The following ADGRL4 variants were observed in gnomAD, a reference collection of about 807,000 sequenced individuals.
ADGRL4 encodes the protein EGF, latrophilin and seven transmembrane domain containing 1.
A neutral mutation model predicts 74.8 loss-of-function variants in ADGRL4; 90 were observed. The observed-to-expected ratio is 1.20, with a 90% CI of 1.02 to 1.43. ADGRL4 has a LOEUF of 1.43. Among genes scored for constraint, ADGRL4 ranks in the 40% most tolerant of loss-of-function variants. The pLI is 0.00. For synonymous variants in ADGRL4, 311 were observed against 279.2 expected (o/e 1.11, Z -1.14); for missense variants, 881 against 814.3 (o/e 1.08, Z -1.00).
intron 2 of ADGRL4, among the ~76,000 whole-genome samples, chr1:78,978,022 A>T (rs1361708625): frequency 6.6e-6 from 1 of 151,926 alleles, no homozygotes; most frequent in Non-Finnish European, 1.5e-5. Flanking sequence ...TTTTGCAATT[A>T]TATAAATATC....
chr1:78,984,165 AG>A (rs1486202955), intron 2 of ADGRL4, among the ~76,000 whole-genome samples: 1 of 151,760 alleles, frequency 6.6e-6, no homozygotes, highest in East Asian at 1.9e-4. Flanking sequence ...GTACAAAGTA[AG>A]ATGGTTCTTA....
chr1:78,985,432 A>C (rs925268922), intron 2 of ADGRL4, among the ~76,000 whole-genome samples: 6 of 151,842 alleles, frequency 4.0e-5, no homozygotes, highest in African/African-American at 1.4e-4. Context: ...AAATATGCTG[A>C]AATGGTATTT....
chr1:78,904,208 G>C (rs1020168575), intron 12 of ADGRL4, among the ~76,000 whole-genome samples: 1 of 151,754 alleles, frequency 6.6e-6, no homozygotes, highest in Non-Finnish European at 1.5e-5. Context: ...TATTAGAACA[G>C]AGTACCCAGA....
chr1:78,954,275 G>A (rs932700559), intron 2 of ADGRL4, among the ~76,000 whole-genome samples: 21 of 152,012 alleles, frequency 1.4e-4, no homozygotes, highest in Admixed American at 6.6e-5. Context: ...GAGAAGACTC[G>A]TTATCTAATT....
At chr1:78,966,843 A>G (rs1320213764) in intron 2 of ADGRL4, among the ~76,000 whole-genome samples, 1 of 150,156 alleles carries the variant, frequency 6.7e-6, no homozygotes, top group Non-Finnish European at 1.5e-5. Context: ...GTTAACTTTT[A>G]AGCTAGTTTT....
chr1:78,921,559 GA>G (rs372278602), intron 9 of ADGRL4, 53 bp downstream of exon 9: 49 of 1,168,048 alleles, frequency 4.2e-5, no homozygotes, highest in South Asian at 2.7e-4. Flanking sequence ...GAATGATGCG[GA>G]AAAAAAACAG....
intron 12 of ADGRL4, among the ~76,000 whole-genome samples, chr1:78,913,627 T>C: frequency 6.6e-6 from 1 of 151,712 alleles, no homozygotes; most frequent in Admixed American, 6.6e-5. Context: ...TACTTGAGTG[T>C]AGAAGATGGA....
intron 2 of ADGRL4, among the ~76,000 whole-genome samples, chr1:78,993,729 C>T (rs150590935): frequency 0.016 from 2,387 of 152,084 alleles, 33 homozygotes; most frequent in Middle Eastern, 0.037. Context: ...CCACCATGCT[C>T]GGCTAATTTT....
chr1:78,994,614 T>A (rs1395865461), intron 2 of ADGRL4, among the ~76,000 whole-genome samples: 3 of 152,206 alleles, frequency 2.0e-5, no homozygotes, highest in Non-Finnish European at 2.9e-5. Flanking sequence ...ATTACTAGGA[T>A]TAATTACTTT....
intron 8 of ADGRL4, among the ~76,000 whole-genome samples, chr1:78,922,506 T>C (rs1212474938): frequency 6.6e-6 from 1 of 152,024 alleles, no homozygotes; most frequent in African/African-American, 2.4e-5. Flanking sequence ...TGATAGTTAT[T>C]CAATAAACAG....
At position 78,920,174 on chromosome 1, in the gene ADGRL4, C is replaced by T. The variant is rs776684259; in HGVS notation, c.1461+9G>A. On this transcript the variant is annotated intron_variant, in intron 10 of 14. Transcript: ENST00000370742. ...TAGGACAAAAATAGAGATTAGGATG[C>T]CTACATACCTTATTAGTATTTGTAT... is the stretch of plus-strand genomic sequence containing the variant. 3.1e-6 allele frequency: 5 copies of T among 1,595,984 alleles called. No individual in the cohort carries two copies. Among genetic ancestry groups the T allele is most frequent in the Non-Finnish European group, 4.3e-6 (5 of 1,168,650 alleles).
intron 10 of ADGRL4, among the ~76,000 whole-genome samples, 188 bp downstream of exon 10, chr1:78,919,988 TTGCTGAA>T (rs1648962041): frequency 6.6e-6 from 1 of 151,988 alleles, no homozygotes; most frequent in Non-Finnish European, 1.5e-5. Flanking sequence ...AGGGCCATTT[TTGCTGAA>T]TGGACTTGAT....
Position 78,935,982 on chromosome 1 carries a change from G to A in ADGRL4, c.877+313C>T, listed in dbSNP as rs1393693619. Among the ~76,000 whole-genome samples, 2 of 79,732 alleles carry A rather than the reference G, an allele frequency of 2.5e-5. 1 individual carries two copies. Among genetic ancestry groups the A allele is most frequent in the African/African-American group, 8.0e-5 (2 of 25,128 alleles). 52.3% of individuals were successfully genotyped at this position (79,732 alleles called of 152,430 possible). A position where few individuals can be genotyped will look rare whatever the true frequency, so the allele number is the denominator to read the frequency against. On this transcript the variant is annotated intron_variant, in intron 7 of 14. Transcript: ENST00000370742. Reference sequence around the variant, plus strand: ...ACTAAAAATACAAAAAAATTAGCCGGGCGTGATGGCGGGCGCCTGTAGTCC... The same window carrying A: ...ACTAAAAATACAAAAAAATTAGCCGAGCGTGATGGCGGGCGCCTGTAGTCC...
chr1:78,993,571 C>CTTTTT (rs1650652536), intron 2 of ADGRL4, among the ~76,000 whole-genome samples: 1 of 114,640 alleles, frequency 8.7e-6, no homozygotes, highest in Non-Finnish European at 1.9e-5. Flanking sequence ...GCAAAAATTC[C>CTTTTT]ATTTTTTTTT....
chr1:78,978,398 G>T (rs1038761440), intron 2 of ADGRL4, among the ~76,000 whole-genome samples: 2 of 151,848 alleles, frequency 1.3e-5, no homozygotes, highest in African/African-American at 4.8e-5. Flanking sequence ...TTGTAGAAGT[G>T]AAAGGCATCA....
chr1:78,920,263 T>C lies in ADGRL4; in HGVS notation c.1381A>G (p.Thr461Ala), dbSNP rs1461226374. The change falls in exon 10 of 15, where the codon ACA becomes GCA. Residue 461 changes from threonine to alanine, a missense_variant. Transcript: ENST00000370742. ...CTACAGCAAAGATTTTTGTGAATTGTTGTCCTGGTGCTTTGAATTTCACTG... is the reference window on the plus strand; with the variant it reads ...CTACAGCAAAGATTTTTGTGAATTGCTGTCCTGGTGCTTTGAATTTCACTG... ...FFSEIQSTRT[T>A]IHKNLCCSLF... 1 of 1,612,070 alleles carries C rather than the reference T, an allele frequency of 6.2e-7. No homozygotes were observed. Among genetic ancestry groups the C allele is most frequent in the Admixed American group, 1.7e-5 (1 of 59,812 alleles).
At chr1:78,951,007 C>T (rs1213541806) in intron 2 of ADGRL4, among the ~76,000 whole-genome samples, 6 of 152,138 alleles carry the variant, frequency 3.9e-5, no homozygotes, top group African/African-American at 1.2e-4. Flanking sequence ...ATTGTCTATT[C>T]ATGAGAGAAA....
At chr1:78,983,472 T>G (rs528091349) in intron 2 of ADGRL4, among the ~76,000 whole-genome samples, 1 of 150,916 alleles carries the variant, frequency 6.6e-6, no homozygotes, top group African/African-American at 2.4e-5. Context: ...AAAAAGCAAT[T>G]AATGTAGCGA....
intron 2 of ADGRL4, among the ~76,000 whole-genome samples, chr1:78,949,981 C>T (rs889677902): frequency 4.0e-4 from 61 of 152,108 alleles, no homozygotes; most frequent in African/African-American, 1.3e-3. Flanking sequence ...ATACACACAG[C>T]TCCTAACTTT....
Sources: gnomAD v4.1 joint callset for allele counts (sites outside exome capture counted in the v4.1 genomes callset) on GRCh38, gnomAD v4.1.1 for gene constraint, MANE v1.5 for transcripts, NCBI Gene and HGNC (gene_info 2026-07-23, HGNC 2026-07-21) for gene names.